The following NKAIN2 variants were observed in gnomAD, a reference collection of about 807,000 sequenced individuals.
The protein encoded by NKAIN2 is sodium/potassium-transporting ATPase subunit beta-1-interacting protein 2.
Under a neutral mutation model 32.6 loss-of-function variants are expected in NKAIN2, and 14 were observed. The ratio of observed to expected loss-of-function variants is 0.43; its 90% CI spans 0.28 to 0.67. The LOEUF (loss-of-function observed/expected upper bound fraction) is 0.67. NKAIN2 is among the 30% of genes least tolerant of loss of function. NKAIN2 has a pLI of 0.17. For missense variants in NKAIN2, 198 were observed against 258.3 expected (o/e 0.77, Z 1.60); for synonymous variants, 80 against 87.2 (o/e 0.92, Z 0.46).
rs1302089478 is a variant in NKAIN2, at chr6:124,410,570, A to G, written c.273+55223A>G. 2.0e-5 allele frequency among the ~76,000 whole-genome samples: 3 copies of G among 152,284 alleles called. No homozygotes were observed. In the South Asian group the frequency reaches 6.2e-4, roughly 32 times the overall value. ...ACTGTGGTCTGAGAGACAGTTTGCTATAATTTCTGTTCTTTTACATTTGCT... is the reference window on the plus strand; with the variant it reads ...ACTGTGGTCTGAGAGACAGTTTGCTGTAATTTCTGTTCTTTTACATTTGCT... On this transcript the variant is annotated intron_variant, in intron 3 of 6. Coordinates refer to ENST00000368417, the MANE Select transcript of NKAIN2 (RefSeq NM_001040214.3).
intron 1 of NKAIN2, among the ~76,000 whole-genome samples, chr6:123,954,923 C>A (rs1777497291): frequency 6.6e-6 from 1 of 151,816 alleles, no homozygotes; most frequent in Non-Finnish European, 1.5e-5. Flanking sequence ...GAGAAGAAAT[C>A]AGTGATTTAG....
At chr6:124,094,525 T>A (rs755437685) in intron 1 of NKAIN2, among the ~76,000 whole-genome samples, 2 of 152,158 alleles carry the variant, frequency 1.3e-5, no homozygotes, top group Admixed American at 6.6e-5. Flanking sequence ...TTATTAAGAC[T>A]AAGAATGAGG....
At chr6:124,652,748 A>C (rs1336974096) in intron 3 of NKAIN2, among the ~76,000 whole-genome samples, 1 of 152,154 alleles carries the variant, frequency 6.6e-6, no homozygotes, top group African/African-American at 2.4e-5. Context: ...AGTGAAAAAA[A>C]GGCCAGTCTC....
At chr6:124,759,066 T>C (rs1157026627) in intron 4 of NKAIN2, among the ~76,000 whole-genome samples, 1 of 152,188 alleles carries the variant, frequency 6.6e-6, no homozygotes, top group Non-Finnish European at 1.5e-5. Flanking sequence ...ACATGTATTG[T>C]ACTTTGTATC....
At chr6:124,616,883 G>A (rs1435663985) in intron 3 of NKAIN2, among the ~76,000 whole-genome samples, 1 of 151,884 alleles carries the variant, frequency 6.6e-6, no homozygotes, top group Non-Finnish European at 1.5e-5. Flanking sequence ...CATATGCGTG[G>A]TTATCCTATT....
chr6:124,506,811 C>T (rs1235299508), intron 3 of NKAIN2, among the ~76,000 whole-genome samples: 10 of 152,174 alleles, frequency 6.6e-5, no homozygotes. Flanking sequence ...TGAGCCTTTG[C>T]AAGGTGTCTT....
chr6:124,258,008 C>T (rs1171916749), intron 1 of NKAIN2, among the ~76,000 whole-genome samples: 2 of 151,660 alleles, frequency 1.3e-5, no homozygotes, highest in African/African-American at 4.8e-5. Context: ...CTCAAACTCC[C>T]GATCTCAGGT....
intron 1 of NKAIN2, among the ~76,000 whole-genome samples, chr6:124,194,111 T>A (rs879465988): frequency 7.3e-5 from 11 of 151,658 alleles, no homozygotes; most frequent in Non-Finnish European, 1.6e-4. Flanking sequence ...TGGCCATGGG[T>A]GGGCCCAGAA....
intron 1 of NKAIN2, among the ~76,000 whole-genome samples, chr6:124,040,987 A>G (rs149233300): frequency 6.6e-6 from 1 of 152,138 alleles, no homozygotes; most frequent in East Asian, 1.9e-4. Context: ...TTGTACAACT[A>G]TTGAAGGACT....
chr6:124,375,283 A>G (rs1799935418), intron 3 of NKAIN2, among the ~76,000 whole-genome samples: 1 of 151,510 alleles, frequency 6.6e-6, no homozygotes, highest in South Asian at 2.1e-4. Context: ...ATTACTTTTT[A>G]CACTTGTTTA....
intron 1 of NKAIN2, among the ~76,000 whole-genome samples, chr6:123,819,487 T>C (rs1253386533): frequency 6.6e-6 from 1 of 152,196 alleles, no homozygotes; most frequent in African/African-American, 2.4e-5. Context: ...TGCTTAACAA[T>C]ATGACCTGAT....
At chr6:123,970,804 C>T (rs1296591353) in intron 1 of NKAIN2, among the ~76,000 whole-genome samples, 1 of 151,998 alleles carries the variant, frequency 6.6e-6, no homozygotes, top group Non-Finnish European at 1.5e-5. Context: ...ATTGCTTGAA[C>T]CCAGGAGGCG....
chr6:124,180,716 A>G (rs1789400527), intron 1 of NKAIN2, among the ~76,000 whole-genome samples: 1 of 152,208 alleles, frequency 6.6e-6, no homozygotes, highest in Admixed American at 6.5e-5. Context: ...CTGTAAAATC[A>G]AAAGCAAGTT....
chr6:124,031,312 A>G (rs1003799867), intron 1 of NKAIN2, among the ~76,000 whole-genome samples: 1 of 151,864 alleles, frequency 6.6e-6, no homozygotes, highest in Non-Finnish European at 1.5e-5. Flanking sequence ...CTTCTTTATT[A>G]GTCTTGCTAG....
intron 1 of NKAIN2, among the ~76,000 whole-genome samples, chr6:123,996,511 A>C (rs1236411111): frequency 6.6e-6 from 1 of 152,152 alleles, no homozygotes; most frequent in Non-Finnish European, 1.5e-5. Context: ...AAAGGAGCTC[A>C]TGATGGCAAA....
chr6:124,399,602 C>T (rs970978550), intron 3 of NKAIN2, among the ~76,000 whole-genome samples: 1 of 152,166 alleles, frequency 6.6e-6, no homozygotes, highest in East Asian at 1.9e-4. Flanking sequence ...GTGAGTCAGG[C>T]AGGCAGAACA....
At chr6:123,938,738 T>C (rs921071586) in intron 1 of NKAIN2, among the ~76,000 whole-genome samples, 9 of 150,748 alleles carry the variant, frequency 6.0e-5, no homozygotes, top group Non-Finnish European at 1.0e-4. Flanking sequence ...AGTCCATCTA[T>C]AGAATCATGG....
At chr6:124,066,311 C>T (rs1218908240) in intron 1 of NKAIN2, among the ~76,000 whole-genome samples, 2 of 152,028 alleles carry the variant, frequency 1.3e-5, no homozygotes, top group Non-Finnish European at 2.9e-5. Flanking sequence ...TTTCTGTTTC[C>T]TGAGCCATGT....
chr6:124,040,962 G>A (rs766048384), intron 1 of NKAIN2, among the ~76,000 whole-genome samples: 23 of 151,910 alleles, frequency 1.5e-4, no homozygotes, highest in Non-Finnish European at 2.9e-4. Flanking sequence ...GGTTTTCAGG[G>A]TCTTACACTC....
Sources: allele counts gnomAD v4.1 joint callset (sites outside exome capture counted in the v4.1 genomes callset), GRCh38; gene constraint gnomAD v4.1.1; transcripts MANE v1.5; gene names NCBI Gene and HGNC (gene_info 2026-07-23, HGNC 2026-07-21).